The following WBP4 variants were observed in gnomAD, a reference collection of about 807,000 sequenced individuals.
WBP4 encodes the protein WW domain binding protein 4, also known as WW domain-binding protein 4.
WBP4 carries 37 observed loss-of-function variants against 55.4 expected under a neutral mutation model. The ratio of observed to expected loss-of-function variants is 0.67; its 90% CI spans 0.51 to 0.88. The LOEUF is 0.88. Among genes scored for constraint, WBP4 ranks in the 40% least tolerant of loss-of-function variants. The pLI is 0.00. For missense variants in WBP4, 398 were observed against 420.8 expected, an observed-to-expected ratio of 0.95 and a Z score of 0.47; for synonymous variants, 142 against 140.2, an observed-to-expected ratio of 1.01 and a Z score of -0.09.
chr13:41,074,856 G>A (rs1282799362), intron 7 of WBP4, among the ~76,000 whole-genome samples: 13 of 152,254 alleles, frequency 8.5e-5, no homozygotes, highest in Non-Finnish European at 1.6e-4. Flanking sequence ...CTAGCTGGGC[G>A]TGGTGGCGCT....
chr13:41,067,081 C>T (rs1328058865), intron 4 of WBP4, among the ~76,000 whole-genome samples: 9 of 152,066 alleles, frequency 5.9e-5, no homozygotes, highest in Admixed American at 3.3e-4. Flanking sequence ...CTCGACCTCC[C>T]GGGCTCCAGT....
chr13:41,082,918 C>G lies in WBP4; in HGVS notation c.*4C>G, dbSNP rs1878847997. Reference sequence around the variant, plus strand: ...GCAACGAGGTGATGATCAATAGTTGCAGGAGAGCTTTTTGTACATGCTTTT... The same window carrying G: ...GCAACGAGGTGATGATCAATAGTTGGAGGAGAGCTTTTTGTACATGCTTTT... On this transcript the variant is annotated 3_prime_UTR_variant, in exon 10 of 10. Transcript: ENST00000379487. The G allele has an allele frequency of 1.9e-6, 3 of 1,613,654 alleles. No homozygotes were observed. Among genetic ancestry groups the G allele is most frequent in the Non-Finnish European group, 2.5e-6 (3 of 1,179,854 alleles).
At chr13:41,079,951 A>C (rs1016853314) in intron 8 of WBP4, among the ~76,000 whole-genome samples, 5 of 152,114 alleles carry the variant, frequency 3.3e-5, no homozygotes, top group African/African-American at 1.2e-4. Context: ...CCATTAACCT[A>C]AGTGAAATAA....
At chr13:41,071,422 C>T (rs1878240726) in intron 5 of WBP4, 105 bp from the exon 6 acceptor site, 1 of 822,036 alleles carries the variant, frequency 1.2e-6, no homozygotes, top group East Asian at 2.5e-5. Flanking sequence ...AAATTGTAGA[C>T]CTGTAGTGTT....
chr13:41,081,277 TC>T (rs1278010107), intron 9 of WBP4, among the ~76,000 whole-genome samples: 1 of 151,304 alleles, frequency 6.6e-6, no homozygotes, highest in Non-Finnish European at 1.5e-5. Flanking sequence ...GGCAGGCAGA[TC>T]AACTGAGGTC....
rs753926155 is a variant in WBP4 at position 41,083,524 on chromosome 13, C to G, written c.*610C>G. The G allele has an allele frequency of 3.9e-5, 6 of 152,328 alleles. No individual in the cohort carries two copies. Among genetic ancestry groups the G allele is most frequent in the Non-Finnish European group, 7.3e-5 (5 of 68,164 alleles). 9.4% of individuals were successfully genotyped at this position (152,328 alleles called of 1,614,324 possible). ...GTATTTGCCCCAGTTCACTTCAAAG[C>G]AGCAAACGTTGTTTAAGCATTTTAG... is the stretch of plus-strand genomic sequence containing the variant. On this transcript the variant is annotated 3_prime_UTR_variant, in exon 10 of 10. Coordinates refer to ENST00000379487, the MANE Select transcript of WBP4 (RefSeq NM_007187.5).
chr13:41,066,580 T>C (rs1877983301), intron 4 of WBP4, among the ~76,000 whole-genome samples: 1 of 152,232 alleles, frequency 6.6e-6, no homozygotes, highest in African/African-American at 2.4e-5. Flanking sequence ...CTCTTGCTAG[T>C]TATGACTTTT....
chr13:41,061,757 C>T (rs1025551913), intron 1 of WBP4, 82 bp downstream of exon 1: 30 of 1,600,304 alleles, frequency 1.9e-5, no homozygotes, highest in African/African-American at 2.7e-5. Context: ...CCCTCCTCTC[C>T]TCCCGCCCTT....
chr13:41,077,224 C>G (rs1460216889), intron 8 of WBP4, among the ~76,000 whole-genome samples: 1 of 151,068 alleles, frequency 6.6e-6, no homozygotes, highest in Non-Finnish European at 1.5e-5. Context: ...ACCATATAAT[C>G]AGCTCAATAG....
At position 41,065,202 on chromosome 13, in the gene WBP4, A is replaced by AAAGGCATC; in HGVS notation, c.180_187dup (p.Lys63ArgfsTer14). On this transcript the variant is annotated frameshift_variant, in exon 4 of 10. Coordinates refer to ENST00000379487, the MANE Select transcript of WBP4 (RefSeq NM_007187.5). LOFTEE classifies it high-confidence loss of function. ...GCCTGGATAAGGCAAAGGAAGAAGAAAAGGCATCAAAGGAGTTTGCTGCAA... is the reference window on the plus strand; with the variant it reads ...GCCTGGATAAGGCAAAGGAAGAAGAAAAGGCATCAAGGCATCAAAGGAGTTTGCTGCAA... The AAAGGCATC allele has an allele frequency of 6.2e-7, 1 of 1,613,394 alleles. No individual in the cohort carries two copies. Among genetic ancestry groups the AAAGGCATC allele is most frequent in the Non-Finnish European group, 8.5e-7 (1 of 1,179,730 alleles).
Position 41,065,289 on chromosome 13 carries a change from TAAAAAAAAAAA to T in WBP4, c.262+13_262+23del, listed in dbSNP as rs58699334. On this transcript the variant is annotated splice_donor_5th_base_variant and intron_variant, in intron 4 of 9. Transcript: ENST00000379487. Reference sequence around the variant, plus strand: ...TGAAAAGACTTGGCTTAGAGTCAGGTAAAAAAAAAAAAAAAAAAAAAGCAGCCAGCATGTTT... The same window carrying T: ...TGAAAAGACTTGGCTTAGAGTCAGGTAAAAAAAAAAGCAGCCAGCATGTTT... 3.2e-6 allele frequency: 4 copies of T among 1,262,572 alleles called. No homozygotes were observed. The highest frequency in any genetic ancestry group is 4.3e-5 in the African/African-American group (2 of 46,172). The allele number at this position is 1,262,572 out of a possible 1,614,324, so 78.2% of individuals were successfully genotyped here. A position where few individuals can be genotyped will look rare whatever the true frequency, so the allele number is the denominator to read the frequency against.
In WBP4 at chr13:41,065,279, T is replaced by C; in HGVS notation, c.254T>C (p.Leu85Ser). Reference protein sequence around the residue: ...AYQEDLKRLGLESEILEPSIT... With the variant: ...AYQEDLKRLGSESEILEPSIT... Reference sequence around the variant, plus strand: ...CAAGAGGATTTGAAAAGACTTGGCTTAGAGTCAGGTAAAAAAAAAAAAAAA... The same window carrying C: ...CAAGAGGATTTGAAAAGACTTGGCTCAGAGTCAGGTAAAAAAAAAAAAAAA... The change falls in exon 4 of 10, where the codon TTA (leucine) becomes TCA (serine). Residue 85 changes from leucine to serine, a missense_variant. Coordinates refer to ENST00000379487, the MANE Select transcript of WBP4 (RefSeq NM_007187.5). The C allele has an allele frequency of 6.5e-7, 1 of 1,543,760 alleles. No homozygotes were observed. The highest frequency in any genetic ancestry group is 8.6e-7 in the Non-Finnish European group (1 of 1,156,820).
intron 7 of WBP4, among the ~76,000 whole-genome samples, chr13:41,073,534 G>A (rs1353935595): frequency 6.6e-6 from 1 of 151,150 alleles, no homozygotes. Flanking sequence ...AAAAAAGTAG[G>A]CTAGGCGCGG....
At position 41,065,289 on chromosome 13, in the gene WBP4, T is replaced by TAAAAAAAA. The variant is rs58699334; in HGVS notation, c.262+16_262+23dup. ...TGAAAAGACTTGGCTTAGAGTCAGG[T>TAAAAAAAA]AAAAAAAAAAAAAAAAAAAAAGCAG... is the stretch of plus-strand genomic sequence containing the variant. On this transcript the variant is annotated splice_region_variant and intron_variant, in intron 4 of 9. Coordinates refer to ENST00000379487, the MANE Select transcript of WBP4 (RefSeq NM_007187.5). 7.1e-6 allele frequency: 9 copies of TAAAAAAAA among 1,263,960 alleles called. 1 individual carries two copies. Among genetic ancestry groups the TAAAAAAAA allele is most frequent in the African/African-American group, 2.1e-5 (1 of 46,530 alleles). 78.3% of individuals were successfully genotyped at this position (1,263,960 alleles called of 1,614,324 possible).
chr13:41,072,843 A>G lies in WBP4; in HGVS notation c.548A>G (p.Asn183Ser), dbSNP rs143576227. The change falls in exon 7 of 10, where the codon AAT (asparagine) becomes AGT (serine). Residue 183 changes from asparagine (N) to serine (S), a missense_variant. By Grantham distance (46) the Asn-to-Ser change is conservative. Coordinates refer to ENST00000379487, the MANE Select transcript of WBP4 (RefSeq NM_007187.5). Reference protein sequence around the residue: ...LSEDGFTYYYNTETGESRWEK... With the variant: ...LSEDGFTYYYSTETGESRWEK... ...GAAGATGGTTTTACCTATTACTATAATACAGAAACAGGAGGTAAGTATTAC... is the reference window on the plus strand; with the variant it reads ...GAAGATGGTTTTACCTATTACTATAGTACAGAAACAGGAGGTAAGTATTAC... 7 of 1,612,720 alleles carry G rather than the reference A, an allele frequency of 4.3e-6. No homozygotes were observed. Among genetic ancestry groups the G allele is most frequent in the African/African-American group, 1.3e-5 (1 of 74,862 alleles).
chr13:41,065,378 A>G, intron 4 of WBP4, 91 bp downstream of exon 4: 1 of 1,454,744 alleles, frequency 6.9e-7, no homozygotes, highest in Non-Finnish European at 9.0e-7. Context: ...TTCCATAAAG[A>G]GGTTATAAAC....
At position 41,080,786 on chromosome 13, in the gene WBP4, A is replaced by G; in HGVS notation, c.897A>G (p.Glu299=). 1 of 1,606,516 alleles carries G rather than the reference A, an allele frequency of 6.2e-7. No individual in the cohort carries two copies. Among genetic ancestry groups the G allele is most frequent in the Non-Finnish European group, 8.5e-7 (1 of 1,178,400 alleles). The change falls in exon 9 of 10, where the codon GAA becomes GAG. Residue 299 remains glutamate (E), a synonymous_variant. Transcript: ENST00000379487. ...KKSNPYGEWQ[E]IKQEVESHEE... is the part of the protein sequence containing the mutation. ...CAAACCCATATGGAGAATGGCAAGA[A>G]ATTAAACAAGAGGTTGAGTCTCAGT...
intron 7 of WBP4, among the ~76,000 whole-genome samples, chr13:41,074,126 T>C (rs1566212339): frequency 6.6e-6 from 1 of 151,922 alleles, no homozygotes; most frequent in Non-Finnish European, 1.5e-5. Flanking sequence ...AGAGACGGGG[T>C]TTCACCATGT....
Position 41,076,269 on chromosome 13 carries a change from ATTTTTTTT to A in WBP4, c.756+53_756+60del, listed in dbSNP as rs35695477. 115 of 678,726 alleles carry A rather than the reference ATTTTTTTT, an allele frequency of 1.7e-4. 1 individual carries two copies. Among genetic ancestry groups the A allele is most frequent in the Admixed American group, 3.9e-4 (6 of 15,428 alleles). The allele number at this position is 678,726 out of a possible 1,614,324, so 42.0% of individuals were successfully genotyped here. ...TTTTAAATTTTACTCTTCACATCAA[ATTTTTTTT>A]TTTTTTTTTTTTTTTTTTTTGAGAT... is the stretch of plus-strand genomic sequence containing the variant. On this transcript the variant is annotated intron_variant, in intron 8 of 9. Coordinates refer to ENST00000379487, the MANE Select transcript of WBP4 (RefSeq NM_007187.5).
Sources: allele counts gnomAD v4.1 joint callset (sites outside exome capture counted in the v4.1 genomes callset), GRCh38; gene constraint gnomAD v4.1.1; transcripts MANE v1.5; gene names NCBI Gene and HGNC (gene_info 2026-07-23, HGNC 2026-07-21).